The following DYNC2H1 variants were observed in gnomAD, a reference collection of about 807,000 sequenced individuals.
DYNC2H1 encodes the protein dynein cytoplasmic 2 heavy chain 1, also known as cytoplasmic dynein 2 heavy chain 1.
A neutral mutation model predicts 570.0 loss-of-function variants in DYNC2H1; 410 were observed. The observed-to-expected ratio is 0.72, with a 90% CI of 0.66 to 0.78. DYNC2H1 has a LOEUF of 0.78. Among genes scored for constraint, DYNC2H1 ranks in the 30% least tolerant of loss-of-function variants. The pLI, the probability that DYNC2H1 is intolerant of heterozygous loss-of-function variation, is 0.00. For synonymous variants in DYNC2H1, 1,688 were observed against 1,677.6 expected (o/e 1.01, Z -0.15); for missense variants, 4,865 against 5,046.4 (o/e 0.96, Z 1.09).
At chr11:103,229,648 C>T (rs1863932141) in intron 59 of DYNC2H1, among the ~76,000 whole-genome samples, 1 of 152,110 alleles carries the variant, frequency 6.6e-6, no homozygotes, top group African/African-American at 2.4e-5. Flanking sequence ...CTGCTTAAGG[C>T]TGTTGTCTTG....
intron 53 of DYNC2H1, among the ~76,000 whole-genome samples, chr11:103,210,780 G>C (rs962740629): frequency 1.3e-5 from 2 of 151,954 alleles, no homozygotes; most frequent in Non-Finnish European, 2.9e-5. Flanking sequence ...AGCCTAAAGG[G>C]CTGAAACATA....
chr11:103,130,575 A>C (rs1440246120), intron 13 of DYNC2H1, among the ~76,000 whole-genome samples: 1 of 152,228 alleles, frequency 6.6e-6, no homozygotes, highest in Non-Finnish European at 1.5e-5. Context: ...AGAAATGACC[A>C]TTTTAAGAAG....
intron 82 of DYNC2H1, among the ~76,000 whole-genome samples, chr11:103,345,254 C>T (rs767250408): frequency 2.0e-5 from 3 of 150,576 alleles, no homozygotes; most frequent in Non-Finnish European, 2.9e-5. Context: ...TATCCATTCT[C>T]CTATTGATGG....
chr11:103,292,472 AT>A (rs1431752511), intron 75 of DYNC2H1, among the ~76,000 whole-genome samples: 26 of 152,124 alleles, frequency 1.7e-4, no homozygotes, highest in African/African-American at 6.3e-4. Flanking sequence ...TCTCTTAACA[AT>A]TTATTGTAGT....
chr11:103,184,909 T>C lies in DYNC2H1; in HGVS notation c.6491T>C (p.Val2164Ala). 4 of 1,610,560 alleles carry C rather than the reference T, an allele frequency of 2.5e-6. No homozygotes were observed. The highest frequency in any genetic ancestry group is 3.4e-6 in the Non-Finnish European group (4 of 1,177,566). The change falls in exon 41 of 89, where the codon GTA becomes GCA. Residue 2164 changes from valine (V) to alanine (A), a missense_variant. Physicochemically the swap from Val to Ala is moderately conservative, Grantham distance 64 (BLOSUM62 0). Around this residue, in one of 5 missense-constraint regions of DYNC2H1, gnomAD observed 231 missense variants for 310.3 expected, o/e 0.74. Coordinates refer to ENST00000375735, the MANE Select transcript of DYNC2H1 (RefSeq NM_001377.3). ...QWVLKQNDYV[V>A]ETSLVGTVMN... ...TTTAATCAACAGAATGACTATGTGG[T>C]AGAAACAAGTTTGGTTGGGACTGTG... is the stretch of plus-strand genomic sequence containing the variant.
intron 83 of DYNC2H1, among the ~76,000 whole-genome samples, chr11:103,367,700 A>G (rs1306741091): frequency 1.3e-5 from 2 of 152,114 alleles, no homozygotes; most frequent in Admixed American, 1.3e-4. Flanking sequence ...TAGAACACCA[A>G]AACTTATTCC....
intron 36 of DYNC2H1, among the ~76,000 whole-genome samples, 172 bp downstream of exon 36, chr11:103,174,342 A>G (rs1020411065): frequency 1.2e-4 from 19 of 152,216 alleles, no homozygotes; most frequent in Non-Finnish European, 2.9e-5. Flanking sequence ...TATTTGTCAC[A>G]ACTAATGAAT....
rs17099969 is a variant in DYNC2H1, at chr11:103,121,378, G to A, written c.1367G>A (p.Arg456Gln). The A allele has an allele frequency of 4.3e-3, 6,879 of 1,598,844 alleles. 287 individuals carry two copies. The African/African-American group carries it at 0.082, about 19-fold the overall frequency. ...ARLVDSIKDF[R>Q]LDFENRCRGI... ...TTTGATTTAAATTTTATAGATTTTC[G>A]ATTAGACTTTGAGAATCGGTGCCGA... The change falls in exon 10 of 89, where the codon CGA becomes CAA. Residue 456 changes from arginine to glutamine, a missense_variant. By Grantham distance (43) the Arg-to-Gln change is conservative (BLOSUM62 1). This residue lies in a region of DYNC2H1 where 1,936 missense variants were observed against 1,962.1 expected (regional missense o/e 0.99). Coordinates refer to ENST00000375735, the MANE Select transcript of DYNC2H1 (RefSeq NM_001377.3).
In DYNC2H1 at chr11:103,311,987, C is replaced by T; in HGVS notation, c.11603C>T (p.Ala3868Val). 6.2e-7 allele frequency: 1 copy of T among 1,613,462 alleles called. No individual in the cohort carries two copies. Residue 3868 changes from alanine (A) to valine (V), a missense_variant, in exon 79 of 89, where the codon GCA (alanine) becomes GTA (valine). This residue lies in a region of DYNC2H1 where 2,401 missense variants were observed against 2,454.6 expected (regional missense o/e 0.98). Transcript: ENST00000375735. ...CGAGCTCATGCTCTCTTCAGTCTTG[C>T]ATGGTTTCATGCTGCATGTCAAGAA... is the stretch of plus-strand genomic sequence containing the variant. ...THRAHALFSL[A>V]WFHAACQERR... is the part of the protein sequence containing the mutation.
At chr11:103,216,232 C>T (rs1863378653) in intron 55 of DYNC2H1, among the ~76,000 whole-genome samples, 1 of 152,100 alleles carries the variant, frequency 6.6e-6, no homozygotes, top group Non-Finnish European at 1.5e-5. Context: ...TTAATTTTCT[C>T]AAGATTTATG....
In DYNC2H1 at chr11:103,189,902, C is replaced by T; in HGVS notation, c.7437+86C>T. The T allele has an allele frequency of 7.3e-7, 1 of 1,363,994 alleles. No individual in the cohort carries two copies. The highest frequency in any genetic ancestry group is 9.8e-7 in the Non-Finnish European group (1 of 1,015,796). The allele number at this position is 1,363,994 out of a possible 1,614,324, so 84.5% of individuals were successfully genotyped here. A position where few individuals can be genotyped will look rare whatever the true frequency, so the allele number is the denominator to read the frequency against. ...TTTAATTCTGACCTCTGTGTTGACA[C>T]CCAGGCTTTACTTTCCTGTTTATTA... is the stretch of plus-strand genomic sequence containing the variant. On this transcript the variant is annotated intron_variant, in intron 45 of 88. Transcript: ENST00000375735. This position sits in a 1 kb window ranked among gnomAD's most constrained non-coding sequence, Gnocchi z 4.3.
chr11:103,388,299 C>T (rs1282675466), intron 83 of DYNC2H1, among the ~76,000 whole-genome samples: 4 of 152,018 alleles, frequency 2.6e-5, no homozygotes, highest in African/African-American at 7.2e-5. Context: ...ATTTGGCTCT[C>T]TGTTTGTCTG....
In DYNC2H1 at chr11:103,261,133, C is replaced by T. The variant is rs1865264910; in HGVS notation, c.10695+1156C>T. On this transcript the variant is annotated intron_variant, in intron 70 of 88. Transcript: ENST00000375735. This position sits in a 1 kb window ranked among gnomAD's most constrained non-coding sequence, Gnocchi z 4.8. ...TTGTTGAGGATCTTTATTTGAGATA[C>T]AGAATAAATCCTTCAGAAGCTCTCT... Among the ~76,000 whole-genome samples, 2 of 152,034 alleles carry T rather than the reference C, an allele frequency of 1.3e-5. No homozygotes were observed. The highest frequency in any genetic ancestry group is 2.9e-5 in the Non-Finnish European group (2 of 67,994).
At chr11:103,437,314 G>C (rs1944098449) in intron 85 of DYNC2H1, among the ~76,000 whole-genome samples, 1 of 152,072 alleles carries the variant, frequency 6.6e-6, no homozygotes, top group Non-Finnish European at 1.5e-5. Flanking sequence ...CCTGTGTACT[G>C]ATTCTGTCTG....
Position 103,135,802 on chromosome 11 carries a change from C to T in DYNC2H1, c.2428C>T (p.Pro810Ser). ...YREMKRFIGI[P>S]NQFKGVGEAG... ...AGAAATGAAGAGATTCATCGGCATT[C>T]CAAATCAGTTTAAGGGAGTGGGTGA... The change falls in exon 17 of 89, where the codon CCA (proline) becomes TCA (serine). Residue 810 changes from proline to serine, a missense_variant. Coordinates refer to ENST00000375735, the MANE Select transcript of DYNC2H1 (RefSeq NM_001377.3). The T allele has an allele frequency of 1.2e-6, 2 of 1,613,032 alleles. No homozygotes were observed. The highest frequency in any genetic ancestry group is 1.7e-6 in the Non-Finnish European group (2 of 1,179,536).
At chr11:103,421,046 A>G (rs1257320589) in intron 84 of DYNC2H1, among the ~76,000 whole-genome samples, 2 of 152,212 alleles carry the variant, frequency 1.3e-5, no homozygotes, top group Non-Finnish European at 2.9e-5. Context: ...TACCAAGCAA[A>G]TGGAAAACAG....
rs936070458 is a variant in DYNC2H1 at position 103,186,145 on chromosome 11, TAAG to T, written c.6634-95_6634-93del. 1.1e-5 allele frequency: 13 copies of T among 1,224,026 alleles called. No individual in the cohort carries two copies. The highest frequency in any genetic ancestry group is 1.4e-5 in the Non-Finnish European group (13 of 896,790). 75.8% of individuals were successfully genotyped at this position (1,224,026 alleles called of 1,614,324 possible). A position where few individuals can be genotyped will look rare whatever the true frequency, so the allele number is the denominator to read the frequency against. The stretch of plus-strand genomic sequence containing the variant: ...AGTTTATGTAAAGTTTTCTTGGAAC[TAAG>T]ATGATTTACTTTTGGGATATTTACT... On this transcript the variant is annotated intron_variant, in intron 41 of 88. Transcript: ENST00000375735. The surrounding 1 kb of genome is among the most constrained non-coding windows in gnomAD (Gnocchi z 4.5).
At chr11:103,385,526 A>T (rs1290201266) in intron 83 of DYNC2H1, among the ~76,000 whole-genome samples, 1 of 152,106 alleles carries the variant, frequency 6.6e-6, no homozygotes, top group Admixed American at 6.5e-5. Context: ...ATTTGTAGCC[A>T]TTGCCTAGTT....
intron 82 of DYNC2H1, among the ~76,000 whole-genome samples, chr11:103,351,703 G>C (rs897910682): frequency 6.6e-6 from 1 of 151,986 alleles, no homozygotes; most frequent in Non-Finnish European, 1.5e-5. Context: ...TTTATTTCTT[G>C]AATCTGTGTT....
Sources: gnomAD v4.1 joint callset for allele counts (sites outside exome capture counted in the v4.1 genomes callset) on GRCh38, gnomAD v4.1.1 for gene constraint, gnomAD v4.1.1 regional missense constraint, Gnocchi (gnomAD v3.1) non-coding constraint, MANE v1.5 for transcripts, NCBI Gene and HGNC (gene_info 2026-07-23, HGNC 2026-07-21) for gene names.